ZNF704: variants seen among roughly 807,000 people sequenced by gnomAD.
The protein encoded by ZNF704 is glucocorticoid induced gene 1.
Under a neutral mutation model 44.7 loss-of-function variants are expected in ZNF704, and 10 were observed. The observed-to-expected ratio is 0.22, with a 90% CI of 0.14 to 0.38. The LOEUF is 0.38. ZNF704 is among the 10% of genes least tolerant of loss of function. ZNF704 has a pLI of 1.00. For missense variants in ZNF704, 390 were observed against 545.5 expected (o/e 0.71, Z 2.84); for synonymous variants, 211 against 207.6 (o/e 1.02, Z -0.14).
At position 80,874,641 on chromosome 8, in the gene ZNF704, C is replaced by CCATT. The variant is rs10657451; in HGVS notation, c.-96_-93dup. On this transcript the variant is annotated 5_prime_UTR_variant, in exon 1 of 9. In the 5' UTR this introduces an upstream ATG that the reference lacks. Transcript: ENST00000327835. This position sits in a 1 kb window ranked among gnomAD's most constrained non-coding sequence, Gnocchi z 4.4. ...ACCAGGGCAAACGCTTAACCGCAGC[C>CCATT]CATTCTTCCCTCCGGAGGGAGGGGA... The CCATT allele has an allele frequency of 0.092, 14,010 of 152,008 alleles. 757 individuals carry two copies. Among genetic ancestry groups the CCATT allele is most frequent in the African/African-American group, 0.16 (6,443 of 41,428 alleles). 9.4% of individuals were successfully genotyped at this position (152,008 alleles called of 1,614,324 possible).
At chr8:80,738,883 T>C (rs73692117) in intron 2 of ZNF704, among the ~76,000 whole-genome samples, 4,104 of 152,176 alleles carry the variant, frequency 0.027, 192 homozygotes, top group African/African-American at 0.093. Context: ...TGCCAAAACT[T>C]AAGATGGTCA....
In ZNF704 at chr8:80,665,003, C is replaced by T. The variant is rs779330792; in HGVS notation, c.739G>A (p.Ala247Thr). ...TEIKLNTDSV[A>T]DGLSSLAPVS... The stretch of plus-strand genomic sequence containing the variant: ...GGGGCCAGGCTGCTCAGCCCGTCTG[C>T]CACTGAGTCTGTGTTGAGCTTGATC... The change falls in exon 6 of 9, where the codon GCA (alanine) becomes ACA (threonine). Residue 247 changes from alanine to threonine, a missense_variant. Around this residue, in one of 3 missense-constraint regions of ZNF704, gnomAD observed 305 missense variants for 435.7 expected, o/e 0.70. Coordinates refer to ENST00000327835, the MANE Select transcript of ZNF704 (RefSeq NM_001033723.3). 9.3e-6 allele frequency: 15 copies of T among 1,614,106 alleles called. No homozygotes were observed. The African/African-American group carries it at 1.6e-4, about 17-fold the overall frequency.
intron 2 of ZNF704, among the ~76,000 whole-genome samples, chr8:80,803,857 T>G (rs1807942143): frequency 6.6e-6 from 1 of 152,094 alleles, no homozygotes; most frequent in African/African-American, 2.4e-5. Context: ...CTAAAGAGCT[T>G]CTGTACAGCA....
At chr8:80,846,686 T>G (rs1462869114) in intron 1 of ZNF704, among the ~76,000 whole-genome samples, 5 of 152,144 alleles carry the variant, frequency 3.3e-5, no homozygotes, top group Admixed American at 2.6e-4. Flanking sequence ...CCAGAAAAAT[T>G]TAACTCAATT....
chr8:80,747,804 C>G (rs1196015708), intron 2 of ZNF704, among the ~76,000 whole-genome samples: 1 of 152,196 alleles, frequency 6.6e-6, no homozygotes, highest in Admixed American at 6.5e-5. Context: ...ACAACCTCCA[C>G]CTCCCCGATT....
At chr8:80,705,053 G>A (rs1326043565) in intron 2 of ZNF704, among the ~76,000 whole-genome samples, 3 of 152,130 alleles carry the variant, frequency 2.0e-5, no homozygotes, top group Admixed American at 1.3e-4. Flanking sequence ...ATTTGAATTG[G>A]AGGACACCCC....
At position 80,820,907 on chromosome 8, in the gene ZNF704, A is replaced by G. The variant is rs1352765683; in HGVS notation, c.221+467T>C. Among the ~76,000 whole-genome samples the G allele has an allele frequency of 6.6e-5, 10 of 151,298 alleles. No individual in the cohort carries two copies. In the Admixed American group the frequency reaches 6.7e-4, roughly 10 times the overall value. On this transcript the variant is annotated intron_variant, in intron 2 of 8. Transcript: ENST00000327835. ...AGCGACAGAACCAGACCCTATCTCT[A>G]TTTGGAAAAAAAAAAAAAGTAAAAC...
intron 1 of ZNF704, among the ~76,000 whole-genome samples, chr8:80,830,612 T>C (rs753565850): frequency 6.6e-6 from 1 of 151,882 alleles, no homozygotes; most frequent in Non-Finnish European, 1.5e-5. Context: ...GGGAGGAATG[T>C]TGTGGCATTT....
chr8:80,661,259 G>C (rs763083426), intron 6 of ZNF704, among the ~76,000 whole-genome samples: 9 of 152,274 alleles, frequency 5.9e-5, no homozygotes, highest in Non-Finnish European at 1.0e-4. Context: ...TCTCACCCTA[G>C]TTAGATTGGC....
chr8:80,633,311 T>A lies in ZNF704; in HGVS notation c.*8055A>T, dbSNP rs1421068060. Reference sequence around the variant, plus strand: ...AGCAAAATAAATTTTCCCCAAAGAGTCAAAACTTTTACTCAGAACATACAT... The same window carrying A: ...AGCAAAATAAATTTTCCCCAAAGAGACAAAACTTTTACTCAGAACATACAT... On this transcript the variant is annotated 3_prime_UTR_variant, in exon 9 of 9. Coordinates refer to ENST00000327835, the MANE Select transcript of ZNF704 (RefSeq NM_001033723.3). The A allele has an allele frequency of 3.3e-5, 5 of 152,050 alleles. No homozygotes were observed. The highest frequency in any genetic ancestry group is 3.3e-4 in the Admixed American group (5 of 15,274). 9.4% of individuals were successfully genotyped at this position (152,050 alleles called of 1,614,324 possible). A position where few individuals can be genotyped will look rare whatever the true frequency, so the allele number is the denominator to read the frequency against.
intron 2 of ZNF704, among the ~76,000 whole-genome samples, chr8:80,813,606 G>A (rs1330644892): frequency 3.9e-5 from 6 of 152,120 alleles, no homozygotes; most frequent in Non-Finnish European, 8.8e-5. Flanking sequence ...GGCCGGGCGC[G>A]GTGGCTCATG....
chr8:80,882,727 C>T, the ZNF704 span, among the ~76,000 whole-genome samples: 1 of 152,166 alleles, frequency 6.6e-6, no homozygotes, highest in Non-Finnish European at 1.5e-5. Context: ...TATAAATTGA[C>T]CTGCAGCAAG....
At chr8:80,691,340 G>C in intron 3 of ZNF704, among the ~76,000 whole-genome samples, 1 of 152,204 alleles carries the variant, frequency 6.6e-6, no homozygotes, top group Non-Finnish European at 1.5e-5. Flanking sequence ...ATCTGCAACT[G>C]GCTTTCTCCC....
the ZNF704 span, among the ~76,000 whole-genome samples, chr8:80,882,349 A>G: frequency 6.6e-6 from 1 of 152,130 alleles, no homozygotes; most frequent in Non-Finnish European, 1.5e-5. Flanking sequence ...ATTTTGTTTT[A>G]ATTTATGTCT....
Position 80,643,113 on chromosome 8 carries a change from T to C in ZNF704, c.1049A>G (p.His350Arg). The change falls in exon 8 of 9, where the codon CAT (histidine) becomes CGT (arginine). Residue 350 changes from histidine (H) to arginine (R), a missense_variant. Transcript: ENST00000327835. ...TCTCTGCTCTCCTGTGCCCACCGGA[T>C]GATGTGTGGGTGACACCTGGTGAAT... is the stretch of plus-strand genomic sequence containing the variant. ...FTGIPVSPTH[H>R]PVGTGEQRQH... The C allele has an allele frequency of 6.2e-7, 1 of 1,605,874 alleles. No individual in the cohort carries two copies. The highest frequency in any genetic ancestry group is 8.5e-7 in the Non-Finnish European group (1 of 1,176,208).
rs766862849 is a variant in ZNF704 at position 80,821,583 on chromosome 8, T to C, written c.12A>G (p.Thr4=). 7 of 1,613,388 alleles carry C rather than the reference T, an allele frequency of 4.3e-6. No individual in the cohort carries two copies. The South Asian group carries it at 4.4e-5, about 10-fold the overall frequency. Residue 4 remains threonine (T), a synonymous_variant, in exon 2 of 9, where the codon ACA becomes ACG. Transcript: ENST00000327835. MTF[T]FQSEDLKRDC... ...CACGTTTTAAGTCCTCTGACTGAAA[T>C]GTGAAGGTCATTTCCCGCTTAATGC...
intron 1 of ZNF704, among the ~76,000 whole-genome samples, chr8:80,868,405 T>C (rs548970967): frequency 6.6e-6 from 1 of 152,344 alleles, no homozygotes; most frequent in African/African-American, 2.4e-5. Context: ...TCTATCTCTG[T>C]TTCCTCAGCC....
chr8:80,878,353 A>T (rs988209922), upstream of ZNF704, among the ~76,000 whole-genome samples: 4 of 152,146 alleles, frequency 2.6e-5, no homozygotes, highest in Non-Finnish European at 5.9e-5. Context: ...GTGTTTTTTT[A>T]AAATTTAAGA....
At position 80,631,081 on chromosome 8, in the gene ZNF704, G is replaced by C. The variant is rs951243152; in HGVS notation, c.*10285C>G. 4 of 152,194 alleles carry C rather than the reference G, an allele frequency of 2.6e-5. No individual in the cohort carries two copies. The highest frequency in any genetic ancestry group is 9.7e-5 in the African/African-American group (4 of 41,450). The allele number at this position is 152,194 out of a possible 1,614,324, so 9.4% of individuals were successfully genotyped here. A position where few individuals can be genotyped will look rare whatever the true frequency, so the allele number is the denominator to read the frequency against. Reference sequence around the variant, plus strand: ...AGGAGACTGTGAAAGGAGGGGCTTTGCTATCATCACAGGTGTTGGTCACAT... The same window carrying C: ...AGGAGACTGTGAAAGGAGGGGCTTTCCTATCATCACAGGTGTTGGTCACAT... On this transcript the variant is annotated 3_prime_UTR_variant, in exon 9 of 9. Coordinates refer to ENST00000327835, the MANE Select transcript of ZNF704 (RefSeq NM_001033723.3).
Sources: allele counts gnomAD v4.1 joint callset (sites outside exome capture counted in the v4.1 genomes callset), GRCh38; gene constraint gnomAD v4.1.1; regional missense constraint gnomAD v4.1.1; non-coding constraint Gnocchi (gnomAD v3.1); transcripts MANE v1.5; gene names NCBI Gene and HGNC (gene_info 2026-07-23, HGNC 2026-07-21).